The following DNM3 variants were observed in gnomAD, a reference collection of about 807,000 sequenced individuals.
DNM3 encodes dynamin 3.
A neutral mutation model predicts 101.6 loss-of-function variants in DNM3; 47 were observed. The ratio of observed to expected loss-of-function variants is 0.46; its 90% CI spans 0.37 to 0.59. The LOEUF (loss-of-function observed/expected upper bound fraction) is 0.59. Ranked by LOEUF, DNM3 falls within the 20% of genes least tolerant of loss-of-function variation. The pLI is 0.00. For missense variants in DNM3, 849 were observed against 1,085.7 expected, an observed-to-expected ratio of 0.78 and a Z score of 3.06; for synonymous variants, 385 against 387.9, an observed-to-expected ratio of 0.99 and a Z score of 0.09.
At chr1:172,326,884 C>A (rs531279746) in intron 17 of DNM3, among the ~76,000 whole-genome samples, 1 of 152,096 alleles carries the variant, frequency 6.6e-6, no homozygotes, top group South Asian at 2.1e-4. Flanking sequence ...TAAGCTCGTG[C>A]CTTGTGAATC....
chr1:171,981,202 G>A (rs1232267609), intron 2 of DNM3, among the ~76,000 whole-genome samples: 1 of 152,146 alleles, frequency 6.6e-6, no homozygotes, highest in African/African-American at 2.4e-5. Context: ...AATTCAGCTT[G>A]TTGCACTGAA....
At chr1:171,993,436 C>T (rs182348231) in intron 4 of DNM3, among the ~76,000 whole-genome samples, 4 of 150,830 alleles carry the variant, frequency 2.7e-5, no homozygotes, top group Admixed American at 6.6e-5. Flanking sequence ...CAAAATTCAG[C>T]TGTCAATCTC....
chr1:172,312,407 G>A (rs941147198), intron 16 of DNM3, among the ~76,000 whole-genome samples: 22 of 152,162 alleles, frequency 1.4e-4, no homozygotes, highest in African/African-American at 5.1e-4. Context: ...GTGTAAGTTT[G>A]ACATCATTAG....
At chr1:171,948,735 A>T (rs7513103) in intron 2 of DNM3, among the ~76,000 whole-genome samples, 14,250 of 152,184 alleles carry the variant, frequency 0.094, 879 homozygotes, top group East Asian at 0.33. Context: ...TCTGACCAAA[A>T]CACTAAACAA....
At position 172,197,122 on chromosome 1, in the gene DNM3, A is replaced by C. The variant is rs113055734; in HGVS notation, c.1660-56451A>C. Among the ~76,000 whole-genome samples, 15 of 152,296 alleles carry C rather than the reference A, an allele frequency of 9.8e-5. 1 individual carries two copies. The East Asian group carries it at 2.9e-3, about 29-fold the overall frequency. On this transcript the variant is annotated intron_variant, in intron 14 of 20. Coordinates refer to ENST00000627582, the MANE Select transcript of DNM3 (RefSeq NM_015569.5). ...AAGGGGTCCAGCTTCAGTCTTCTGCATATGGCTAGCCAGTTATCCCAGCAC... is the reference window on the plus strand; with the variant it reads ...AAGGGGTCCAGCTTCAGTCTTCTGCCTATGGCTAGCCAGTTATCCCAGCAC...
At chr1:172,378,195 T>C (rs555236586) in intron 17 of DNM3, 9 of 152,186 alleles carry the variant, frequency 5.9e-5, no homozygotes, top group Admixed American at 2.6e-4. Flanking sequence ...TTGTTCTAAA[T>C]TGATTTCAAT....
intron 13 of DNM3, among the ~76,000 whole-genome samples, chr1:172,110,453 T>C (rs1338345196): frequency 6.6e-6 from 1 of 152,202 alleles, no homozygotes; most frequent in African/African-American, 2.4e-5. Context: ...ATTCTGTGTG[T>C]CTAACATAGA....
At chr1:171,982,399 C>T (rs186863467) in intron 2 of DNM3, among the ~76,000 whole-genome samples, 1 of 152,246 alleles carries the variant, frequency 6.6e-6, no homozygotes, top group Admixed American at 6.5e-5. Context: ...AGGTAGAAGA[C>T]AGATTACAGG....
intron 17 of DNM3, among the ~76,000 whole-genome samples, chr1:172,357,581 C>T (rs2067518550): frequency 6.6e-6 from 1 of 151,904 alleles, no homozygotes; most frequent in Non-Finnish European, 1.5e-5. Context: ...AGGTATTGCT[C>T]CAAATTAAAG....
chr1:171,935,336 C>T (rs1413526137), intron 2 of DNM3, among the ~76,000 whole-genome samples: 1 of 152,064 alleles, frequency 6.6e-6, no homozygotes, highest in East Asian at 1.9e-4. Flanking sequence ...ACATTTAGTA[C>T]TTAGTACAGG....
At chr1:172,354,112 T>TGAGAGAGAGGGAGAGAGAGAGA (rs2067324736) in intron 17 of DNM3, among the ~76,000 whole-genome samples, 1 of 94,940 alleles carries the variant, frequency 1.1e-5, no homozygotes, top group East Asian at 3.1e-4. Flanking sequence ...TGTGTGTGTG[T>TGAGAGAGAGGGAGAGAGAGAGA]GAGAGAGAGA....
intron 13 of DNM3, among the ~76,000 whole-genome samples, chr1:172,106,847 C>T (rs367827466): frequency 0.013 from 900 of 67,818 alleles, no homozygotes; most frequent in South Asian, 0.018. Flanking sequence ...TAACATTATT[C>T]TTTTTTTTTT....
chr1:172,068,885 GA>G lies in DNM3; in HGVS notation c.1404del (p.Lys470ArgfsTer9). ...TGTTGCTAACCACATTCGTGAGCGA[GA>G]AGGGAAGACAAAGGACCAGGTAAAG... ...RIVANHIRER[E>X]GKTKDQVLLL... On this transcript the variant is annotated frameshift_variant, in exon 11 of 21. Transcript: ENST00000627582. LOFTEE classifies it high-confidence loss of function. 2 of 1,566,330 alleles carry G rather than the reference GA, an allele frequency of 1.3e-6. No individual in the cohort carries two copies. The highest frequency in any genetic ancestry group is 1.2e-5 in the South Asian group (1 of 84,788).
At chr1:171,898,895 T>C (rs976202084) in intron 1 of DNM3, among the ~76,000 whole-genome samples, 1 of 152,350 alleles carries the variant, frequency 6.6e-6, no homozygotes, top group East Asian at 1.9e-4. Flanking sequence ...ACAATTTCAT[T>C]TTAACTGTTG....
chr1:171,923,859 T>G (rs893993368), intron 2 of DNM3, among the ~76,000 whole-genome samples: 5 of 152,148 alleles, frequency 3.3e-5, no homozygotes, highest in African/African-American at 7.2e-5. Flanking sequence ...TGGAGTTCTT[T>G]GCATCTGTTT....
chr1:172,038,174 TAGTCA>T, intron 6 of DNM3, 140 bp from the exon 7 acceptor site: 2 of 1,030,614 alleles, frequency 1.9e-6, no homozygotes, highest in Non-Finnish European at 2.8e-6. Flanking sequence ...ATCTACATAA[TAGTCA>T]ATGTCAAATG....
chr1:171,996,626 C>A (rs974532610), intron 4 of DNM3, among the ~76,000 whole-genome samples: 7 of 152,040 alleles, frequency 4.6e-5, no homozygotes, highest in South Asian at 2.1e-4. Flanking sequence ...TGTCCTTGGG[C>A]AAGTTATTTA....
At chr1:172,266,690 G>C (rs1367605707) in intron 15 of DNM3, among the ~76,000 whole-genome samples, 3 of 152,100 alleles carry the variant, frequency 2.0e-5, no homozygotes, top group Admixed American at 1.3e-4. Context: ...AACCCAAGTA[G>C]AGAAATGAAA....
chr1:172,328,964 C>T lies in DNM3; in HGVS notation c.1893+5624C>T, dbSNP rs569919572. ...CAAAGTCCTGGGATTACAGGTGTGA[C>T]CCATCATGCCTGGCTGATTTTAAAA... is the stretch of plus-strand genomic sequence containing the variant. On this transcript the variant is annotated intron_variant, in intron 17 of 20. Coordinates refer to ENST00000627582, the MANE Select transcript of DNM3 (RefSeq NM_015569.5). Among the ~76,000 whole-genome samples, 21 of 152,098 alleles carry T rather than the reference C, an allele frequency of 1.4e-4. 1 individual carries two copies. In the South Asian group the frequency reaches 3.5e-3, roughly 26 times the overall value.
Sources: allele counts gnomAD v4.1 joint callset (sites outside exome capture counted in the v4.1 genomes callset), GRCh38; gene constraint gnomAD v4.1.1; transcripts MANE v1.5; gene names NCBI Gene and HGNC (gene_info 2026-07-23, HGNC 2026-07-21).